The following HYKK variants were observed in gnomAD, a reference collection of about 807,000 sequenced individuals.
HYKK encodes 5-hydroxy-L-lysine kinase.
HYKK carries 19 observed loss-of-function variants against 29.7 expected under a neutral mutation model. That is an observed-to-expected ratio of 0.64 (90% confidence interval 0.45 to 0.94). The LOEUF (loss-of-function observed/expected upper bound fraction) is 0.94. Among genes scored for constraint, HYKK ranks in the 40% least tolerant of loss-of-function variants. The pLI, the probability that HYKK is intolerant of heterozygous loss-of-function variation, is 0.00. For synonymous variants in HYKK, 152 were observed against 158.1 expected, an observed-to-expected ratio of 0.96 and a Z score of 0.29; for missense variants, 390 against 443.4, an observed-to-expected ratio of 0.88 and a Z score of 1.08.
At chr15:78,528,444 G>A in intron 4 of HYKK, 3 of 985,326 alleles carry the variant, frequency 3.0e-6, no homozygotes, top group Non-Finnish European at 3.6e-6. Flanking sequence ...ACACAGACAG[G>A]TGTTTCTCTA....
chr15:78,527,397 G>C lies in HYKK; in HGVS notation c.495G>C (p.Lys165Asn). Reference sequence around the variant, plus strand: ...TGATTTAGAGATTCCATCACCCAAAGTTAAGTAGTCTTCATCGGGAGAACT... The same window carrying C: ...TGATTTAGAGATTCCATCACCCAAACTTAAGTAGTCTTCATCGGGAGAACT... ...DKTLQRFHHP[K>N]LSSLHRENFI... Residue 165 changes from lysine (K) to asparagine (N), a missense_variant, in exon 4 of 5, where the codon AAG becomes AAC. Lys to Asn is a moderately conservative substitution (Grantham distance 94). Coordinates refer to ENST00000388988, the MANE Select transcript of HYKK (RefSeq NM_001013619.4). 1 of 1,613,714 alleles carries C rather than the reference G, an allele frequency of 6.2e-7. No individual in the cohort carries two copies.
At chr15:78,520,458 T>C (rs2052181203) in intron 3 of HYKK, among the ~76,000 whole-genome samples, 1 of 152,098 alleles carries the variant, frequency 6.6e-6, no homozygotes, top group Admixed American at 6.6e-5. Context: ...GCATGCTGCC[T>C]TCAAGCATCT....
chr15:78,533,639 C>T lies in HYKK; in HGVS notation c.1091C>T (p.Ala364Val). The T allele has an allele frequency of 6.2e-7, 1 of 1,613,902 alleles. No homozygotes were observed. The highest frequency in any genetic ancestry group is 2.2e-5 in the East Asian group (1 of 44,878). The change falls in exon 5 of 5, where the codon GCC becomes GTC. Residue 364 changes from alanine to valine, a missense_variant. Transcript: ENST00000388988. ...KAVEEIWFET[A>V]KSYESGISM ...GTAGAAGAAATCTGGTTTGAAACTG[C>T]CAAATCCTATGAATCTGGGATCTCC...
At chr15:78,530,813 G>T (rs778418987) in intron 4 of HYKK, among the ~76,000 whole-genome samples, 19 of 152,022 alleles carry the variant, frequency 1.2e-4, no homozygotes, top group Non-Finnish European at 7.4e-5. Flanking sequence ...AAAGTGCTGG[G>T]ATTACAGGCA....
chr15:78,524,770 C>T (rs2052232340), intron 3 of HYKK, among the ~76,000 whole-genome samples: 1 of 152,150 alleles, frequency 6.6e-6, no homozygotes, highest in Admixed American at 6.5e-5. Context: ...GATCGCGCCA[C>T]TGCACTCCAG....
rs1316707875 is a variant in HYKK at position 78,534,635 on chromosome 15, TAGA to T, written c.*971_*973del. 6.6e-6 allele frequency: 1 copy of T among 152,156 alleles called. No individual in the cohort carries two copies. Among genetic ancestry groups the T allele is most frequent in the Non-Finnish European group, 1.5e-5 (1 of 68,038 alleles). The allele number at this position is 152,156 out of a possible 1,614,324, so 9.4% of individuals were successfully genotyped here. The stretch of plus-strand genomic sequence containing the variant: ...AAAATATTTGAAAATAAATGCGTGC[TAGA>T]AGAAGGGATGGAGAAGGCACACACT... On this transcript the variant is annotated 3_prime_UTR_variant, in exon 5 of 5. Transcript: ENST00000388988.
chr15:78,513,331 G>C lies in HYKK; in HGVS notation c.243G>C (p.Gln81His). Residue 81 changes from glutamine to histidine, a missense_variant, in exon 2 of 5, where the codon CAG becomes CAC. Transcript: ENST00000388988. ...AAAATCCAGACCTGATTGAAGTGCA[G>C]AATCACATCATCATGTTTCTGAAAG... is the stretch of plus-strand genomic sequence containing the variant. Reference protein sequence around the residue: ...ASKNPDLIEVQNHIIMFLKAA... With the variant: ...ASKNPDLIEVHNHIIMFLKAA... 6.2e-7 allele frequency: 1 copy of C among 1,614,174 alleles called. No homozygotes were observed. Among genetic ancestry groups the C allele is most frequent in the Non-Finnish European group, 8.5e-7 (1 of 1,180,008 alleles).
rs1181951575 is a variant in HYKK, at chr15:78,527,518, CT to C, written c.617del (p.Leu206ArgfsTer6). ...NREIVEHVIH[L>X]FKEEVMTKLS... Reference sequence around the variant, plus strand: ...AGAGATTGTTGAGCATGTCATTCATCTGTTCAAGGAGGAAGTAATGACCAAA... The same window carrying C: ...AGAGATTGTTGAGCATGTCATTCATCGTTCAAGGAGGAAGTAATGACCAAA... On this transcript the variant is annotated frameshift_variant, in exon 4 of 5. Coordinates refer to ENST00000388988, the MANE Select transcript of HYKK (RefSeq NM_001013619.4). LOFTEE classifies it high-confidence loss of function. The C allele has an allele frequency of 1.2e-6, 2 of 1,614,136 alleles. No homozygotes were observed. The highest frequency in any genetic ancestry group is 1.7e-6 in the Non-Finnish European group (2 of 1,180,020).
At chr15:78,515,340 G>A (rs1477253987) in intron 3 of HYKK, among the ~76,000 whole-genome samples, 1 of 152,120 alleles carries the variant, frequency 6.6e-6, no homozygotes, top group Non-Finnish European at 1.5e-5. Flanking sequence ...CCAGCGCTTT[G>A]GGAGGCTGAG....
rs879868024 is a variant in HYKK at position 78,530,712 on chromosome 15, A to AT, written c.662-2487dup. The stretch of plus-strand genomic sequence containing the variant: ...AGGCATGCATTACCATGCCCAGCAG[A>AT]TTTTTTTTTTTATAGAAATGGAGTC... On this transcript the variant is annotated intron_variant, in intron 4 of 4. Transcript: ENST00000388988. 1.5e-3 allele frequency among the ~76,000 whole-genome samples: 219 copies of AT among 146,704 alleles called. 2 individuals are homozygous for AT. The highest frequency in any genetic ancestry group is 7.0e-3 in the Middle Eastern group (2 of 286).
chr15:78,528,527 G>A (rs2052280318), intron 4 of HYKK: 4 of 985,084 alleles, frequency 4.1e-6, no homozygotes, highest in Non-Finnish European at 4.8e-6. Context: ...AACTGGCTGG[G>A]TGTGGTGGCT....
At position 78,513,441 on chromosome 15, in the gene HYKK, T is replaced by C. The variant is rs543541496; in HGVS notation, c.337+16T>C. On this transcript the variant is annotated intron_variant, in intron 2 of 4. Transcript: ENST00000388988. ...GTGTCTGTAGGTAAGAGATGACCAA[T>C]TCGCCGATCCATTACCTATCCAGAC... The C allele has an allele frequency of 1.2e-4, 190 of 1,572,046 alleles. 3 individuals carry two copies. In the South Asian group the frequency reaches 1.9e-3, roughly 16 times the overall value.
rs76264113 is a variant in HYKK, at chr15:78,525,440, G to A, written c.478-1940G>A. ...CAAAGTGTTGGGATTACAGGCGTGA[G>A]CCACCATGCCCAGCCTAGAGGAACT... On this transcript the variant is annotated intron_variant, in intron 3 of 4. Coordinates refer to ENST00000388988, the MANE Select transcript of HYKK (RefSeq NM_001013619.4). Among the ~76,000 whole-genome samples the A allele has an allele frequency of 9.2e-3, 1,395 of 152,024 alleles. 135 individuals are homozygous for A. The East Asian group carries it at 0.24, about 26-fold the overall frequency.
At position 78,533,280 on chromosome 15, in the gene HYKK, TG is replaced by T. The variant is rs750139360; in HGVS notation, c.733del (p.Glu245AsnfsTer8). 133 of 1,613,984 alleles carry T rather than the reference TG, an allele frequency of 8.2e-5. No individual in the cohort carries two copies. Among genetic ancestry groups the T allele is most frequent in the Non-Finnish European group, 1.1e-4 (130 of 1,179,908 alleles). ...ESSKSASGNA[E>X]YQVSGILDFG... ...CCAGCAAGTCAGCCTCTGGAAATGC[TG>T]AATATCAAGTGTCTGGGATTTTAGA... On this transcript the variant is annotated frameshift_variant, in exon 5 of 5. Coordinates refer to ENST00000388988, the MANE Select transcript of HYKK (RefSeq NM_001013619.4). LOFTEE classifies it high-confidence loss of function.
chr15:78,533,491 C>T lies in HYKK; in HGVS notation c.943C>T (p.Gln315Ter), dbSNP rs1466720458. ...TTTACTTGTATGCAGTCGTTTTTGT[C>T]AGTCACTTGTCATGGCTGCATACTC... is the stretch of plus-strand genomic sequence containing the variant. ...LFLLVCSRFCQSLVMAAYSCQ... is the reference protein window; with the variant it reads ...LFLLVCSRFC The change falls in exon 5 of 5, where the codon CAG becomes TAG. Residue 315 changes from glutamine (Q) to a stop codon, truncating the protein, a stop_gained. Coordinates refer to ENST00000388988, the MANE Select transcript of HYKK (RefSeq NM_001013619.4). LOFTEE classifies it high-confidence loss of function. The T allele has an allele frequency of 3.1e-6, 5 of 1,600,130 alleles. No individual in the cohort carries two copies. In the African/African-American group the frequency reaches 5.4e-5, roughly 17 times the overall value.
chr15:78,531,920 A>T (rs111445177), intron 4 of HYKK, among the ~76,000 whole-genome samples: 1,552 of 143,028 alleles, frequency 0.011, 39 homozygotes, highest in South Asian at 0.071. Context: ...GATTTACAGT[A>T]ATATTGTTTC....
chr15:78,516,630 A>G (rs146612392), intron 3 of HYKK, among the ~76,000 whole-genome samples: 4 of 152,152 alleles, frequency 2.6e-5, no homozygotes, highest in African/African-American at 7.2e-5. Flanking sequence ...GATGACAGGC[A>G]TGAGCTACCC....
At chr15:78,509,685 A>G (rs1027621733) in intron 1 of HYKK, among the ~76,000 whole-genome samples, 2 of 152,230 alleles carry the variant, frequency 1.3e-5, no homozygotes, top group Admixed American at 6.5e-5. Context: ...ACCAGTTTAC[A>G]TATCTCCAGA....
chr15:78,524,811 A>C (rs2141361115), intron 3 of HYKK, among the ~76,000 whole-genome samples: 1 of 152,092 alleles, frequency 6.6e-6, no homozygotes, highest in South Asian at 2.1e-4. Context: ...TCTGCCTCAA[A>C]AACAAACAAA....
Sources: allele counts gnomAD v4.1 joint callset (sites outside exome capture counted in the v4.1 genomes callset), GRCh38; gene constraint gnomAD v4.1.1; transcripts MANE v1.5; gene names NCBI Gene and HGNC (gene_info 2026-07-23, HGNC 2026-07-21).